The following DSCAM variants were observed in gnomAD, a reference collection of about 807,000 sequenced individuals.
DSCAM encodes the protein cell adhesion molecule DSCAM.
DSCAM carries 47 observed loss-of-function variants against 217.7 expected under a neutral mutation model. The ratio of observed to expected loss-of-function variants is 0.22; its 90% confidence interval spans 0.17 to 0.28. The LOEUF (loss-of-function observed/expected upper bound fraction) is 0.28. Ranked by LOEUF, DSCAM falls within the 10% of genes least tolerant of loss-of-function variation. DSCAM has a pLI of 1.00. For synonymous variants in DSCAM, 1,056 were observed against 1,015.3 expected (o/e 1.04, Z -0.76); for missense variants, 2,080 against 2,618.3 (o/e 0.79, Z 4.49).
intron 20 of DSCAM, among the ~76,000 whole-genome samples, chr21:40,108,598 C>T (rs1276606630): frequency 1.3e-5 from 2 of 152,146 alleles, no homozygotes; most frequent in Non-Finnish European, 2.9e-5. Context: ...TAGATTCATG[C>T]TATTCTCATT....
intron 27 of DSCAM, among the ~76,000 whole-genome samples, chr21:40,072,483 A>G (rs1279474250): frequency 6.6e-6 from 1 of 151,614 alleles, no homozygotes; most frequent in African/African-American, 2.4e-5. Flanking sequence ...AGTAGTTGGG[A>G]CTACAGGCGC....
intron 14 of DSCAM, among the ~76,000 whole-genome samples, chr21:40,179,613 A>C (rs2146803979): frequency 6.6e-6 from 1 of 152,298 alleles, no homozygotes; most frequent in South Asian, 2.1e-4. Flanking sequence ...AAACAAGATA[A>C]TCCCATACAA....
chr21:40,407,002 G>A (rs933300010), intron 3 of DSCAM, among the ~76,000 whole-genome samples: 3 of 152,132 alleles, frequency 2.0e-5, no homozygotes, highest in African/African-American at 4.8e-5. Flanking sequence ...GGAGGGATTG[G>A]AGAGATACGA....
chr21:40,217,777 T>G (rs1184858463), intron 11 of DSCAM, among the ~76,000 whole-genome samples: 6 of 152,186 alleles, frequency 3.9e-5, no homozygotes. Context: ...ATATCGAGAT[T>G]TTTTTATATG....
intron 1 of DSCAM, among the ~76,000 whole-genome samples, chr21:40,794,989 T>C (rs916635686): frequency 6.7e-6 from 1 of 150,204 alleles, no homozygotes; most frequent in Non-Finnish European, 1.5e-5. Context: ...ATACTCCTTC[T>C]ACACAATAAG....
chr21:40,244,937 C>CT (rs2073202964), intron 11 of DSCAM, among the ~76,000 whole-genome samples: 1 of 149,752 alleles, frequency 6.7e-6, no homozygotes, highest in African/African-American at 2.4e-5. Context: ...CGCCGACTGC[C>CT]AAGGGCTTGA....
intron 24 of DSCAM, among the ~76,000 whole-genome samples, chr21:40,080,693 C>T (rs550041914): frequency 3.3e-5 from 5 of 152,290 alleles, no homozygotes; most frequent in Non-Finnish European, 5.9e-5. Context: ...AAGACATAGG[C>T]TGAAGCTGTT....
At chr21:40,063,018 C>T (rs1326850216) in intron 27 of DSCAM, 119 bp from the exon 28 acceptor site, 2 of 761,408 alleles carry the variant, frequency 2.6e-6, no homozygotes, top group East Asian at 3.2e-5. Context: ...CAATCATATA[C>T]CCAGCTCACT....
chr21:40,604,980 C>G (rs1180970322), intron 3 of DSCAM, among the ~76,000 whole-genome samples: 1 of 152,122 alleles, frequency 6.6e-6, no homozygotes, highest in Non-Finnish European at 1.5e-5. Context: ...GGTAAGGTAG[C>G]CTTCCTTGAA....
chr21:40,584,297 G>A (rs940703292), intron 3 of DSCAM, among the ~76,000 whole-genome samples: 7 of 152,146 alleles, frequency 4.6e-5, no homozygotes, highest in Non-Finnish European at 1.0e-4. Context: ...ACCAGGTCAA[G>A]CCTAGGTGAT....
At chr21:40,220,901 T>C (rs2091284073) in intron 11 of DSCAM, among the ~76,000 whole-genome samples, 1 of 152,186 alleles carries the variant, frequency 6.6e-6, no homozygotes, top group African/African-American at 2.4e-5. Flanking sequence ...TGCACAAGCT[T>C]ACTTTTACAA....
intron 11 of DSCAM, among the ~76,000 whole-genome samples, chr21:40,249,494 CT>C (rs374434039): frequency 3.1e-4 from 47 of 152,284 alleles, no homozygotes; most frequent in African/African-American, 1.0e-3. Context: ...TCCAACTAAA[CT>C]TTTTTTCTTC....
chr21:40,458,790 G>A (rs1229108175), intron 3 of DSCAM, among the ~76,000 whole-genome samples: 1 of 151,936 alleles, frequency 6.6e-6, no homozygotes, highest in Non-Finnish European at 1.5e-5. Flanking sequence ...GGAAAAAATT[G>A]CCAATCTTGA....
At chr21:40,403,749 A>C (rs1463404957) in intron 3 of DSCAM, among the ~76,000 whole-genome samples, 3 of 152,206 alleles carry the variant, frequency 2.0e-5, no homozygotes, top group Non-Finnish European at 4.4e-5. Flanking sequence ...AGTTGAGCCT[A>C]AAATGTGATA....
At chr21:40,403,282 T>C (rs1190342974) in intron 3 of DSCAM, among the ~76,000 whole-genome samples, 1 of 152,008 alleles carries the variant, frequency 6.6e-6, no homozygotes, top group South Asian at 2.1e-4. Context: ...TTTTTTAATG[T>C]CCAGGTGATT....
chr21:40,695,089 C>G (rs2090582016), intron 2 of DSCAM, among the ~76,000 whole-genome samples: 1 of 152,150 alleles, frequency 6.6e-6, no homozygotes, highest in Non-Finnish European at 1.5e-5. Flanking sequence ...TAAAATCACT[C>G]TGTCTCCCCA....
intron 3 of DSCAM, among the ~76,000 whole-genome samples, chr21:40,387,305 C>T (rs752519536): frequency 6.7e-6 from 1 of 149,538 alleles, no homozygotes; most frequent in East Asian, 1.9e-4. Flanking sequence ...GTTAGTCCTA[C>T]ACAAGTCCTA....
chr21:40,112,482 C>T (rs1384341048), intron 20 of DSCAM, among the ~76,000 whole-genome samples: 1 of 152,082 alleles, frequency 6.6e-6, no homozygotes, highest in Non-Finnish European at 1.5e-5. Context: ...CTAAAATTGA[C>T]ACCCTAACAT....
intron 3 of DSCAM, among the ~76,000 whole-genome samples, chr21:40,502,762 T>C (rs898631377): frequency 2.6e-5 from 4 of 152,096 alleles, no homozygotes; most frequent in Non-Finnish European, 4.4e-5. Context: ...CTTAATTCTA[T>C]CTCCACCTTT....
Sources: gnomAD v4.1 joint callset for allele counts (sites outside exome capture counted in the v4.1 genomes callset) on GRCh38, gnomAD v4.1.1 for gene constraint, MANE v1.5 for transcripts, NCBI Gene and HGNC (gene_info 2026-07-23, HGNC 2026-07-21) for gene names.